DENND2B: variants seen among roughly 807,000 people sequenced by gnomAD.
The protein encoded by DENND2B is DENN domain containing 2B, also known as DENN domain-containing protein 2B.
DENND2B carries 32 observed loss-of-function variants against 116.0 expected under a neutral mutation model. The ratio of observed to expected loss-of-function variants is 0.28; its 90% CI spans 0.21 to 0.37. The LOEUF (loss-of-function observed/expected upper bound fraction) is 0.37, where lower values mean the gene tolerates loss of function less well. Ranked by LOEUF, DENND2B falls within the 10% of genes least tolerant of loss-of-function variation. The probability of loss-of-function intolerance (pLI) is 1.00; values close to 1 mark genes in which losing one functional copy is unlikely to be tolerated. For missense variants in DENND2B, 1,276 were observed against 1,477.7 expected, an observed-to-expected ratio of 0.86 and a Z score of 2.24; for synonymous variants, 588 against 583.9, an observed-to-expected ratio of 1.01 and a Z score of -0.10.
intron 4 of DENND2B, among the ~76,000 whole-genome samples, chr11:8,721,637 G>A (rs1352965724): frequency 6.6e-6 from 1 of 152,204 alleles, no homozygotes; most frequent in Admixed American, 6.5e-5. Flanking sequence ...CTAAGGGGCT[G>A]GCTGTTGCCC....
At chr11:8,880,268 T>A (rs1044706208) in intron 2 of DENND2B, among the ~76,000 whole-genome samples, 2 of 151,664 alleles carry the variant, frequency 1.3e-5, no homozygotes, top group African/African-American at 4.8e-5. Context: ...TTTCAACTAA[T>A]CAAGACTTGA....
intron 2 of DENND2B, among the ~76,000 whole-genome samples, chr11:8,748,120 G>A (rs979180414): frequency 4.6e-5 from 7 of 152,098 alleles, no homozygotes; most frequent in East Asian, 3.9e-4. Context: ...GGAAGTCCCC[G>A]ACGTAGCCAA....
chr11:8,754,029 G>GCGCGCACA (rs146486674), intron 1 of DENND2B, among the ~76,000 whole-genome samples: 9,837 of 138,610 alleles, frequency 0.071, 436 homozygotes, highest in East Asian at 0.19. Context: ...CCAAAAGCGC[G>GCGCGCACA]CACACACACA....
In DENND2B at chr11:8,714,711, G is replaced by A; in HGVS notation, c.1846-5C>T. 1 of 1,613,918 alleles carries A rather than the reference G, an allele frequency of 6.2e-7. No individual in the cohort carries two copies. Among genetic ancestry groups the A allele is most frequent in the Non-Finnish European group, 8.5e-7 (1 of 1,179,852 alleles). Reference sequence around the variant, plus strand: ...GGAGTTAATTCTTTGGACAAGCTGGGTGAGAAAAGCAGGATGGGTGAGGTA... The same window carrying A: ...GGAGTTAATTCTTTGGACAAGCTGGATGAGAAAAGCAGGATGGGTGAGGTA... On this transcript the variant is annotated splice_polypyrimidine_tract_variant and splice_region_variant and intron_variant, in intron 6 of 19. Coordinates refer to ENST00000313726, the MANE Select transcript of DENND2B (RefSeq NM_213618.2).
At position 8,866,830 on chromosome 11, in the gene DENND2B, T is replaced by A. The variant is rs559755670; in HGVS notation, c.-250+4124A>T. ...TTCCTCAGAGGTCCAAAACCCAAAC[T>A]GAGTCATATCCTGACCCATGTAGAG... On this transcript the variant is annotated intron_variant, in intron 2 of 6. Transcript: ENST00000524757. Among the ~76,000 whole-genome samples, 34 of 152,298 alleles carry A rather than the reference T, an allele frequency of 2.2e-4. No individual in the cohort carries two copies. The South Asian group carries it at 3.9e-3, about 18-fold the overall frequency.
upstream of DENND2B, among the ~76,000 whole-genome samples, chr11:8,812,508 A>G (rs1158487872): frequency 6.6e-6 from 1 of 152,166 alleles, no homozygotes; most frequent in East Asian, 1.9e-4. Flanking sequence ...TAATTCTACA[A>G]CAGAAGTAAA....
chr11:8,796,532 CT>C (rs1277585374), intron 1 of DENND2B, among the ~76,000 whole-genome samples: 2 of 152,126 alleles, frequency 1.3e-5, no homozygotes, highest in Non-Finnish European at 2.9e-5. Context: ...GAGAATCCAT[CT>C]CGAAAAAGAA....
chr11:8,859,077 A>C (rs1265023899), intron 2 of DENND2B, among the ~76,000 whole-genome samples: 2 of 152,198 alleles, frequency 1.3e-5, no homozygotes, highest in Non-Finnish European at 2.9e-5. Flanking sequence ...ATTTGGCCCA[A>C]GATTTGCCAT....
chr11:8,869,725 C>G (rs796698892), intron 2 of DENND2B, among the ~76,000 whole-genome samples: 9 of 151,996 alleles, frequency 5.9e-5, no homozygotes, highest in African/African-American at 2.2e-4. Context: ...AGGGTTACAT[C>G]TATGTTAGTC....
In DENND2B at chr11:8,730,271, C is replaced by A. The variant is rs1403423804; in HGVS notation, c.1019G>T (p.Gly340Val). 1.2e-6 allele frequency: 2 copies of A among 1,610,424 alleles called. No homozygotes were observed. The highest frequency in any genetic ancestry group is 1.7e-6 in the Non-Finnish European group (2 of 1,179,374). The change falls in exon 3 of 20, where the codon GGA becomes GTA. Residue 340 changes from glycine to valine, a missense_variant. This residue lies in a region of DENND2B where 856 missense variants were observed against 846.6 expected (regional missense o/e 1.01). Transcript: ENST00000313726. This position sits in a 1 kb window ranked among gnomAD's most constrained non-coding sequence, Gnocchi z 4.1. ...CGCCTCCCCCGCAACACCAGCCACT[C>A]CGACTGCCCGGCTGCCAGCGCTCAC... The part of the protein sequence containing the change: ...ASVSAGSRAV[G>V]VAGVAGEAGP...
chr11:8,812,483 C>A (rs1284850397), upstream of DENND2B, among the ~76,000 whole-genome samples: 5 of 152,118 alleles, frequency 3.3e-5, no homozygotes, highest in Non-Finnish European at 7.4e-5. Flanking sequence ...ACTAATTTAA[C>A]AGATTTTTTT....
intron 2 of DENND2B, among the ~76,000 whole-genome samples, chr11:8,734,490 G>A (rs2048634736): frequency 6.6e-6 from 1 of 152,150 alleles, no homozygotes; most frequent in Admixed American, 6.5e-5. Context: ...ATGGGTGTTG[G>A]AAGATCACGT....
chr11:8,707,231 C>G lies in DENND2B; in HGVS notation c.2431-6G>C. The G allele has an allele frequency of 6.2e-7, 1 of 1,607,110 alleles. No individual in the cohort carries two copies. Among genetic ancestry groups the G allele is most frequent in the South Asian group, 1.1e-5 (1 of 90,218 alleles). ...CGCTCCACCTCATCTAGGACCTGTG[C>G]CCACCGCCAGCAGCCCAAAGAGGAA... On this transcript the variant is annotated splice_region_variant and splice_polypyrimidine_tract_variant and intron_variant, in intron 12 of 19. Transcript: ENST00000313726. The surrounding 1 kb of genome is among the most constrained non-coding windows in gnomAD (Gnocchi z 4.8).
At chr11:8,776,226 T>C (rs1479198650) in intron 1 of DENND2B, 1 of 455,260 alleles carries the variant, frequency 2.2e-6, no homozygotes, top group East Asian at 7.0e-5. Context: ...GCTCCAAACA[T>C]GTCCACGTGT....
chr11:8,762,548 C>T (rs2134123725), intron 1 of DENND2B, among the ~76,000 whole-genome samples: 1 of 152,308 alleles, frequency 6.6e-6, no homozygotes, highest in Middle Eastern at 3.4e-3. Flanking sequence ...CCCAAGAACT[C>T]AACTAAAATT....
intron 2 of DENND2B, among the ~76,000 whole-genome samples, chr11:8,734,244 G>A (rs2048590652): frequency 6.6e-6 from 1 of 152,008 alleles, no homozygotes; most frequent in Admixed American, 6.5e-5. Context: ...CTTCAAAACT[G>A]TTCCATTTTA....
chr11:8,895,883 C>T (rs75549131), intron 1 of DENND2B, among the ~76,000 whole-genome samples: 3,528 of 151,978 alleles, frequency 0.023, 49 homozygotes, highest in Middle Eastern at 0.034. Context: ...CTCTGGCTCC[C>T]AAGGTGCTCG....
At chr11:8,821,484 T>C (rs2134546367) in intron 4 of DENND2B, among the ~76,000 whole-genome samples, 1 of 150,526 alleles carries the variant, frequency 6.6e-6, no homozygotes, top group South Asian at 2.1e-4. Flanking sequence ...GAGGTTGAAG[T>C]AGGAGGATCA....
chr11:8,718,411 C>T (rs1283834942), intron 4 of DENND2B: 15 of 1,530,396 alleles, frequency 9.8e-6, no homozygotes, highest in East Asian at 7.4e-5. Flanking sequence ...CAGGGCTTCG[C>T]CAGGCCCCCT....
Sources: allele counts gnomAD v4.1 joint callset (sites outside exome capture counted in the v4.1 genomes callset), GRCh38; gene constraint gnomAD v4.1.1; regional missense constraint gnomAD v4.1.1; non-coding constraint Gnocchi (gnomAD v3.1); transcripts MANE v1.5; gene names NCBI Gene and HGNC (gene_info 2026-07-23, HGNC 2026-07-21).